Variants in STK32B observed in about 807,000 individuals in gnomAD.
STK32B encodes the protein serine/threonine-protein kinase 32B.
A neutral mutation model predicts 52.6 loss-of-function variants in STK32B; 43 were observed. That is an observed-to-expected ratio of 0.82 (90% CI 0.64 to 1.05). The LOEUF (loss-of-function observed/expected upper bound fraction) is 1.05. Among genes scored for constraint, STK32B ranks in the 50% least tolerant of loss-of-function variants. STK32B has a pLI of 0.00. For missense variants in STK32B, 621 were observed against 534.6 expected (o/e 1.16, Z -1.59); for synonymous variants, 238 against 204.3 (o/e 1.17, Z -1.41).
intron 11 of STK32B, among the ~76,000 whole-genome samples, chr4:5,475,724 G>C (rs115058283): frequency 0.017 from 2,460 of 148,476 alleles, 71 homozygotes; most frequent in African/African-American, 0.057. Context: ...GACCGATTCT[G>C]ACAAATCTCA....
intron 4 of STK32B, among the ~76,000 whole-genome samples, chr4:5,390,883 TG>T: frequency 6.6e-6 from 1 of 151,960 alleles, no homozygotes; most frequent in South Asian, 2.1e-4. Context: ...TGCTATGCCA[TG>T]GGCTGGTAGA....
chr4:5,306,958 A>ATAGGAC (rs1448788927), intron 3 of STK32B, among the ~76,000 whole-genome samples: 1 of 152,182 alleles, frequency 6.6e-6, no homozygotes, highest in African/African-American at 2.4e-5. Flanking sequence ...GAGGCTAAAG[A>ATAGGAC]TAGGACCCCA....
At chr4:5,433,015 C>G (rs1365109110) in intron 6 of STK32B, among the ~76,000 whole-genome samples, 2 of 152,112 alleles carry the variant, frequency 1.3e-5, no homozygotes, top group Non-Finnish European at 2.9e-5. Flanking sequence ...GAGTAATTAC[C>G]ACTTTCATAA....
Position 5,386,175 on chromosome 4 carries a change from T to C in STK32B, c.435-12032T>C, listed in dbSNP as rs2109029440. 1.3e-5 allele frequency among the ~76,000 whole-genome samples: 2 copies of C among 152,038 alleles called. No individual in the cohort carries two copies. Among genetic ancestry groups the C allele is most frequent in the South Asian group, 4.2e-4 (2 of 4,800 alleles). ...TCCCTGGACTCTTCCCAGCCGTCTG[T>C]CTCTCACACAGCACCCTCACTCTCC... is the stretch of plus-strand genomic sequence containing the variant. On this transcript the variant is annotated intron_variant, in intron 4 of 11. Transcript: ENST00000282908. The surrounding 1 kb of genome is among the most constrained non-coding windows in gnomAD (Gnocchi z 4.5).
intron 11 of STK32B, among the ~76,000 whole-genome samples, chr4:5,488,974 A>G (rs1719457016): frequency 6.6e-6 from 1 of 152,078 alleles, no homozygotes; most frequent in African/African-American, 2.4e-5. Context: ...AGAATGTTAT[A>G]TGTTAATTAA....
intron 5 of STK32B, among the ~76,000 whole-genome samples, chr4:5,404,016 C>T (rs1415576115): frequency 6.6e-6 from 1 of 151,644 alleles, no homozygotes; most frequent in Non-Finnish European, 1.5e-5. Flanking sequence ...TTCTTTCCAG[C>T]GAGCTGCCAG....
intron 7 of STK32B, among the ~76,000 whole-genome samples, chr4:5,450,753 GCTCCAAGA>G (rs142037794): frequency 2.7e-3 from 408 of 152,278 alleles, no homozygotes; most frequent in African/African-American, 8.9e-3. Context: ...TAATTACCCA[GCTCCAAGA>G]CTGATGAATG....
At chr4:5,471,035 C>A (rs1717814844) in intron 11 of STK32B, among the ~76,000 whole-genome samples, 1 of 152,222 alleles carries the variant, frequency 6.6e-6, no homozygotes, top group African/African-American at 2.4e-5. Flanking sequence ...ACACCAGTTG[C>A]TCCTGCAGAA....
At chr4:5,048,245 T>G (rs1278950574), upstream of STK32B, among the ~76,000 whole-genome samples, 1 of 151,470 alleles carries the variant, frequency 6.6e-6, no homozygotes, top group East Asian at 1.9e-4. Flanking sequence ...TTCTCCTGCC[T>G]CAGCCTCCTG....
chr4:5,259,351 T>C (rs1726551477), intron 3 of STK32B, among the ~76,000 whole-genome samples: 1 of 152,230 alleles, frequency 6.6e-6, no homozygotes, highest in African/African-American at 2.4e-5. Flanking sequence ...AGAAAGTTCA[T>C]GTCACTTGGT....
chr4:5,158,418 C>G (rs998854277), intron 2 of STK32B, among the ~76,000 whole-genome samples: 8 of 152,188 alleles, frequency 5.3e-5, no homozygotes, highest in African/African-American at 1.9e-4. Context: ...CATCACCTCT[C>G]TTTGTTCCCC....
intron 1 of STK32B, among the ~76,000 whole-genome samples, chr4:5,081,811 T>C (rs1198593637): frequency 6.6e-6 from 1 of 152,216 alleles, no homozygotes; most frequent in Non-Finnish European, 1.5e-5. Context: ...TTCTGTGTTC[T>C]CCTATACCTC....
rs148951336 is a variant in STK32B, at chr4:5,437,413, G to A, written c.563-9260G>A. ...TCCAGGCGTTCCTTGGCTTGTGGCC[G>A]CATTGCCCTGATCTGCCTTTGTCTT... On this transcript the variant is annotated intron_variant, in intron 6 of 11. Transcript: ENST00000282908. Among the ~76,000 whole-genome samples the A allele has an allele frequency of 1.5e-3, 235 of 152,314 alleles. 2 individuals carry two copies. Among genetic ancestry groups the A allele is most frequent in the African/African-American group, 5.4e-3 (225 of 41,564 alleles).
At chr4:5,114,739 G>A (rs1199180821) in intron 1 of STK32B, among the ~76,000 whole-genome samples, 1 of 152,140 alleles carries the variant, frequency 6.6e-6, no homozygotes, top group Admixed American at 6.5e-5. Context: ...TATCCAAGCA[G>A]TACATCTTCA....
intron 2 of STK32B, among the ~76,000 whole-genome samples, chr4:5,146,531 A>C (rs1716926385): frequency 6.6e-6 from 1 of 152,142 alleles, no homozygotes; most frequent in Non-Finnish European, 1.5e-5. Flanking sequence ...GATGGTGCCT[A>C]CCCGTGTTGC....
At chr4:5,186,493 T>C (rs1222810763) in intron 3 of STK32B, among the ~76,000 whole-genome samples, 2 of 152,196 alleles carry the variant, frequency 1.3e-5, no homozygotes, top group Non-Finnish European at 2.9e-5. Flanking sequence ...AGAAGACAGA[T>C]GCTAACCAGC....
At position 5,456,826 on chromosome 4, in the gene STK32B, C is replaced by T. The variant is rs955790754; in HGVS notation, c.686C>T (p.Ser229Leu). Residue 229 changes from serine to leucine, a missense_variant, in exon 8 of 12, where the codon TCG becomes TTG. Ser to Leu is a moderately radical substitution (Grantham distance 145). Transcript: ENST00000282908. ...LRGWRPYEIH[S>L]VTPIDEILNM... The stretch of plus-strand genomic sequence containing the variant: ...TTGCAGAGGCCGTACGAAATCCACT[C>T]GGTCACGCCCATCGATGAAATCCTC... The T allele has an allele frequency of 1.9e-6, 3 of 1,586,764 alleles. No homozygotes were observed. Among genetic ancestry groups the T allele is most frequent in the Middle Eastern group, 1.7e-4 (1 of 6,000 alleles).
At chr4:5,257,922 G>A (rs2108840887) in intron 3 of STK32B, among the ~76,000 whole-genome samples, 1 of 152,026 alleles carries the variant, frequency 6.6e-6, no homozygotes, top group South Asian at 2.1e-4. Flanking sequence ...CAGCCTGAGA[G>A]AAAGAGCAAG....
At chr4:5,022,393 G>T in the STK32B span, among the ~76,000 whole-genome samples, 1 of 152,160 alleles carries the variant, frequency 6.6e-6, no homozygotes, top group Non-Finnish European at 1.5e-5. Flanking sequence ...CCCACCAGGG[G>T]CTCCCTATGA....
Sources: allele counts gnomAD v4.1 joint callset (sites outside exome capture counted in the v4.1 genomes callset), GRCh38; gene constraint gnomAD v4.1.1; non-coding constraint Gnocchi (gnomAD v3.1); transcripts MANE v1.5; gene names NCBI Gene and HGNC (gene_info 2026-07-23, HGNC 2026-07-21).